Variants in GPATCH1 observed in about 807,000 individuals in gnomAD.
GPATCH1 encodes the protein G-patch domain containing 1.
Under a neutral mutation model 114.9 loss-of-function variants are expected in GPATCH1, and 73 were observed. The observed-to-expected ratio is 0.64, with a 90% CI of 0.53 to 0.77. The LOEUF (loss-of-function observed/expected upper bound fraction) is 0.77, where lower values mean the gene tolerates loss of function less well. GPATCH1 is among the 30% of genes least tolerant of loss of function. The pLI is 0.00. For missense variants in GPATCH1, 1,058 were observed against 1,144.3 expected (o/e 0.92, Z 1.09); for synonymous variants, 391 against 428.4 (o/e 0.91, Z 1.08).
chr19:33,091,991 G>A (rs978676472), intron 3 of GPATCH1, among the ~76,000 whole-genome samples: 1 of 151,744 alleles, frequency 6.6e-6, no homozygotes, highest in African/African-American at 2.4e-5. Flanking sequence ...GTAGTTCCAG[G>A]TGGCACATCC....
intron 10 of GPATCH1, among the ~76,000 whole-genome samples, chr19:33,108,423 C>T (rs764398944): frequency 2.0e-5 from 3 of 152,268 alleles, no homozygotes; most frequent in South Asian, 2.1e-4. Flanking sequence ...CCCTGGAACA[C>T]GCCGTCATCC....
At chr19:33,114,504 C>T (rs1972895481) in intron 15 of GPATCH1, 85 bp downstream of exon 15, 1 of 1,054,786 alleles carries the variant, frequency 9.5e-7, no homozygotes, top group African/African-American at 1.7e-5. Flanking sequence ...TCGTGACTCA[C>T]CAGCAGAGGC....
intron 15 of GPATCH1, among the ~76,000 whole-genome samples, chr19:33,117,231 A>G (rs1972926185): frequency 6.6e-6 from 1 of 152,106 alleles, no homozygotes; most frequent in African/African-American, 2.4e-5. Context: ...TCCTCTGTAC[A>G]TAATGATGTG....
In GPATCH1 at chr19:33,094,058, A is replaced by G. The variant is rs1262330247; in HGVS notation, c.456-114A>G. On this transcript the variant is annotated intron_variant, in intron 4 of 19. Coordinates refer to ENST00000170564, the MANE Select transcript of GPATCH1 (RefSeq NM_018025.3). Reference sequence around the variant, plus strand: ...CGCCAGATGTAATGTGGGTGAGGGCAAGGGCCCAGGCAAGACAGGCCTAGG... The same window carrying G: ...CGCCAGATGTAATGTGGGTGAGGGCGAGGGCCCAGGCAAGACAGGCCTAGG... The G allele has an allele frequency of 4.5e-5, 30 of 668,978 alleles. No homozygotes were observed. In the Admixed American group the frequency reaches 6.3e-4, roughly 14 times the overall value. The allele number at this position is 668,978 out of a possible 1,614,324, so 41.4% of individuals were successfully genotyped here.
chr19:33,086,653 AC>A lies in GPATCH1; in HGVS notation c.74-1478del, dbSNP rs1972537259. ...TGTATCTTAGCAGAGACGGGGTTTC[AC>A]CCTGTTGGCCAGGCTGTTCTCAAAC... On this transcript the variant is annotated intron_variant, in intron 1 of 19. Transcript: ENST00000170564. Among the ~76,000 whole-genome samples the A allele has an allele frequency of 2.0e-5, 3 of 151,880 alleles. No individual in the cohort carries two copies. The South Asian group carries it at 6.2e-4, about 32-fold the overall frequency.
intron 14 of GPATCH1, 134 bp from the exon 15 acceptor site, chr19:33,114,119 A>G: frequency 2.1e-6 from 2 of 935,052 alleles, no homozygotes; most frequent in Non-Finnish European, 1.7e-6. Context: ...TCTGCCACCT[A>G]CCTCCCCAGG....
rs747718024 is a variant in GPATCH1, at chr19:33,117,822, C to T, written c.2197-3C>T. On this transcript the variant is annotated splice_region_variant and splice_polypyrimidine_tract_variant and intron_variant, in intron 15 of 19. Transcript: ENST00000170564. ...CCTGACTCTTATTTCACTGTCAATA[C>T]AGACCGTCAACAAAGATGTGGACGC... 1.2e-5 allele frequency: 19 copies of T among 1,607,266 alleles called. No homozygotes were observed. Among genetic ancestry groups the T allele is most frequent in the Admixed American group, 1.7e-5 (1 of 59,980 alleles).
In GPATCH1 at chr19:33,096,335, G is replaced by A. The variant is rs749872953; in HGVS notation, c.741G>A (p.Leu247=). The A allele has an allele frequency of 6.2e-7, 1 of 1,614,160 alleles. No homozygotes were observed. Among genetic ancestry groups the A allele is most frequent in the Non-Finnish European group, 8.5e-7 (1 of 1,180,022 alleles). The part of the protein sequence containing the change: ...AYKGLDPHQA[L]FGTSGEHFNL... ...AGGGCCTGGATCCCCACCAGGCACT[G>A]TTTGGAACTTCGGGAGAACATTTTA... The change falls in exon 7 of 20, where the codon CTG becomes CTA. Residue 247 remains leucine (L), a synonymous_variant. Coordinates refer to ENST00000170564, the MANE Select transcript of GPATCH1 (RefSeq NM_018025.3).
At position 33,126,164 on chromosome 19, in the gene GPATCH1, C is replaced by T. The variant is rs560892811; in HGVS notation, c.2620-424C>T. Among the ~76,000 whole-genome samples the T allele has an allele frequency of 4.6e-5, 7 of 152,326 alleles. 1 individual carries two copies. In the South Asian group the frequency reaches 1.5e-3, roughly 32 times the overall value. ...TGTCCTTACCAGTGTATCTGCTGTT[C>T]GGTAACCTTCTGCCAGTTTCTTCCT... On this transcript the variant is annotated intron_variant, in intron 18 of 19. Transcript: ENST00000170564.
chr19:33,104,175 C>CAA (rs778465436), intron 9 of GPATCH1, among the ~76,000 whole-genome samples: 1 of 125,480 alleles, frequency 8.0e-6, no homozygotes, highest in Non-Finnish European at 1.7e-5. Context: ...ACAAAAAATA[C>CAA]AAAAAAAAAA....
chr19:33,127,758 G>C (rs912455344), intron 19 of GPATCH1, among the ~76,000 whole-genome samples: 1 of 152,096 alleles, frequency 6.6e-6, no homozygotes, highest in African/African-American at 2.4e-5. Flanking sequence ...ACCCAGGCTG[G>C]AGTGCAGTGG....
intron 3 of GPATCH1, among the ~76,000 whole-genome samples, chr19:33,092,800 C>T (rs1225112031): frequency 3.9e-5 from 6 of 152,106 alleles, no homozygotes; most frequent in South Asian, 2.1e-4. Flanking sequence ...TCCTGTCTTC[C>T]CAGCTTGGTC....
At chr19:33,090,682 T>G (rs1972583783) in intron 2 of GPATCH1, 98 bp from the exon 3 acceptor site, 2 of 721,310 alleles carry the variant, frequency 2.8e-6, no homozygotes, top group Non-Finnish European at 4.9e-6. Context: ...GAGTTTATAG[T>G]TATTGGGAAT....
intron 15 of GPATCH1, among the ~76,000 whole-genome samples, chr19:33,116,560 C>T (rs541272836): frequency 5.3e-5 from 8 of 152,298 alleles, no homozygotes; most frequent in South Asian, 2.1e-4. Context: ...GACGGAGTCT[C>T]GCTCTGTCAC....
rs1246749260 is a variant in GPATCH1 at position 33,093,403 on chromosome 19, A to G, written c.339A>G (p.Thr113=). ...FGIAPKAIVT[T]DDFASKTKDR... is the part of the protein sequence containing the mutation. ...TAGCACCTAAAGCGATTGTCACCAC[A>G]GACGATTTTGCCTCCAAAACCAAAG... Residue 113 remains threonine (T), a synonymous_variant, in exon 4 of 20, where the codon ACA becomes ACG. Coordinates refer to ENST00000170564, the MANE Select transcript of GPATCH1 (RefSeq NM_018025.3). 1.9e-6 allele frequency: 3 copies of G among 1,613,538 alleles called. No individual in the cohort carries two copies. In the African/African-American group the frequency reaches 4.0e-5, roughly 22 times the overall value.
intron 9 of GPATCH1, among the ~76,000 whole-genome samples, chr19:33,106,069 G>A (rs1972781162): frequency 6.6e-6 from 1 of 152,234 alleles, no homozygotes; most frequent in East Asian, 1.9e-4. Context: ...GGCTGGTCTT[G>A]AACTCCTGAT....
intron 9 of GPATCH1, among the ~76,000 whole-genome samples, chr19:33,102,418 A>T (rs1247770836): frequency 5.1e-5 from 7 of 136,298 alleles, no homozygotes; most frequent in Non-Finnish European, 1.1e-4. Context: ...TTTTTTTGAG[A>T]TGGAGTCTTG....
intron 9 of GPATCH1, among the ~76,000 whole-genome samples, chr19:33,103,660 C>T (rs1303168376): frequency 6.6e-6 from 1 of 150,394 alleles, no homozygotes; most frequent in East Asian, 2.0e-4. Context: ...AAGATTGTGC[C>T]ACTGCACGTC....
At chr19:33,117,202 C>A (rs910395981) in intron 15 of GPATCH1, among the ~76,000 whole-genome samples, 2 of 152,064 alleles carry the variant, frequency 1.3e-5, no homozygotes, top group African/African-American at 2.4e-5. Flanking sequence ...GCTCAAAAAA[C>A]CCCAAAACAA....
Sources: gnomAD v4.1 joint callset for allele counts (sites outside exome capture counted in the v4.1 genomes callset) on GRCh38, gnomAD v4.1.1 for gene constraint, MANE v1.5 for transcripts, NCBI Gene and HGNC (gene_info 2026-07-23, HGNC 2026-07-21) for gene names.